The following SLC35F4 variants were observed in gnomAD, a reference collection of about 807,000 sequenced individuals.
SLC35F4 encodes the protein solute carrier family 35 member F4, also known as chromosome 14 open reading frame 36.
In SLC35F4, 24 loss-of-function variants were observed where a neutral mutation model predicts 44.2. That is an observed-to-expected ratio of 0.54 (90% CI 0.39 to 0.76). The LOEUF is 0.76. Ranked by LOEUF, SLC35F4 falls within the 30% of genes least tolerant of loss-of-function variation. The pLI is 0.00. For missense variants in SLC35F4, 562 were observed against 586.1 expected (o/e 0.96, Z 0.42); for synonymous variants, 238 against 223.6 (o/e 1.06, Z -0.57).
intron 1 of SLC35F4, among the ~76,000 whole-genome samples, chr14:57,727,068 G>C (rs1025577999): frequency 6.6e-6 from 1 of 151,804 alleles, no homozygotes; most frequent in South Asian, 2.1e-4. Flanking sequence ...CTTGCAGATG[G>C]CCTATTGTGG....
chr14:57,791,082 T>G (rs898502980), intron 1 of SLC35F4, among the ~76,000 whole-genome samples: 2 of 152,140 alleles, frequency 1.3e-5, no homozygotes, highest in Non-Finnish European at 1.5e-5. Context: ...GGGCAAAGAC[T>G]TCATGACTAA....
At chr14:57,843,462 G>C (rs1363348440) in intron 1 of SLC35F4, among the ~76,000 whole-genome samples, 1 of 152,088 alleles carries the variant, frequency 6.6e-6, no homozygotes, top group Non-Finnish European at 1.5e-5. Flanking sequence ...GCTGAGAAGG[G>C]AGTCTTTCAT....
chr14:57,652,310 G>A (rs1335465779), intron 1 of SLC35F4, among the ~76,000 whole-genome samples: 1 of 152,156 alleles, frequency 6.6e-6, no homozygotes, highest in South Asian at 2.1e-4. Flanking sequence ...CTAGCTTTCT[G>A]AGCTCTTTCT....
At chr14:57,688,002 G>T (rs1177100708) in intron 1 of SLC35F4, among the ~76,000 whole-genome samples, 2 of 152,184 alleles carry the variant, frequency 1.3e-5, no homozygotes, top group Non-Finnish European at 2.9e-5. Flanking sequence ...GAGAGGGATA[G>T]TTCTCAATTC....
intron 1 of SLC35F4, among the ~76,000 whole-genome samples, chr14:57,657,907 G>A (rs993543358): frequency 6.6e-6 from 1 of 152,192 alleles, no homozygotes; most frequent in African/African-American, 2.4e-5. Flanking sequence ...AAGTTGGTAA[G>A]TTACTGTGTC....
chr14:57,923,945 T>A (rs916218423), intron 1 of SLC35F4, among the ~76,000 whole-genome samples: 13 of 152,360 alleles, frequency 8.5e-5, no homozygotes, highest in African/African-American at 2.4e-4. Context: ...AGGAACCCAG[T>A]GGCAGGCGAT....
chr14:57,798,695 G>C (rs1379401480), intron 1 of SLC35F4, among the ~76,000 whole-genome samples: 3 of 152,132 alleles, frequency 2.0e-5, no homozygotes, highest in Admixed American at 6.6e-5. Flanking sequence ...CAACTTTATA[G>C]GAAATGTGCA....
chr14:57,876,880 A>G (rs1888410157), intron 1 of SLC35F4, among the ~76,000 whole-genome samples: 1 of 152,174 alleles, frequency 6.6e-6, no homozygotes, highest in Non-Finnish European at 1.5e-5. Flanking sequence ...GTCTCTGTAA[A>G]TGATTATTCC....
At chr14:57,738,748 C>CATATATATATATATATAT (rs36212594) in intron 1 of SLC35F4, among the ~76,000 whole-genome samples, 1 of 110,306 alleles carries the variant, frequency 9.1e-6, no homozygotes, top group Non-Finnish European at 1.8e-5. Flanking sequence ...TTTGAATTTT[C>CATATATATATATATATAT]ATATATATAT....
intron 1 of SLC35F4, among the ~76,000 whole-genome samples, chr14:57,759,756 G>A (rs2077079715): frequency 6.6e-6 from 1 of 151,968 alleles, no homozygotes; most frequent in African/African-American, 2.4e-5. Context: ...GCATTTCCCT[G>A]GTGATTAGTA....
intron 1 of SLC35F4, among the ~76,000 whole-genome samples, chr14:57,606,166 G>A (rs993884356): frequency 6.6e-6 from 1 of 152,148 alleles, no homozygotes; most frequent in Non-Finnish European, 1.5e-5. Flanking sequence ...AAAACTAAAA[G>A]TGCTTTTTGG....
intron 5 of SLC35F4, 50 bp downstream of exon 5, chr14:57,571,842 CAA>C: frequency 1.3e-6 from 2 of 1,578,208 alleles, no homozygotes; most frequent in Non-Finnish European, 1.7e-6. Context: ...CTTTAGTACT[CAA>C]GTCTAAGTTA....
At chr14:57,618,727 G>A (rs901130697) in intron 1 of SLC35F4, among the ~76,000 whole-genome samples, 1 of 152,202 alleles carries the variant, frequency 6.6e-6, no homozygotes, top group Admixed American at 6.5e-5. Flanking sequence ...TGAAGCCAGG[G>A]AGCAAAGTGG....
chr14:57,633,602 C>A (rs2072888593), intron 1 of SLC35F4, among the ~76,000 whole-genome samples: 1 of 152,108 alleles, frequency 6.6e-6, no homozygotes, highest in Non-Finnish European at 1.5e-5. Context: ...TTTTACCACA[C>A]ACATAGATTT....
At chr14:57,899,926 G>A (rs147829296) in intron 1 of SLC35F4, among the ~76,000 whole-genome samples, 204 of 152,274 alleles carry the variant, frequency 1.3e-3, no homozygotes, top group Non-Finnish European at 2.5e-3. Context: ...CTTCCACAGA[G>A]TGGAAGGGGA....
chr14:57,630,024 TC>T, intron 1 of SLC35F4: 1 of 534,674 alleles, frequency 1.9e-6, no homozygotes, highest in Non-Finnish European at 3.8e-6. Flanking sequence ...ATGTGTATGT[TC>T]CGCTTGATTT....
chr14:57,943,203 C>A (rs899328581), intron 1 of SLC35F4, among the ~76,000 whole-genome samples: 19 of 152,140 alleles, frequency 1.2e-4, no homozygotes, highest in African/African-American at 4.1e-4. Flanking sequence ...CCTGGTGCAG[C>A]CCCCAGTGGT....
At chr14:57,910,432 C>T (rs1477373354) in intron 1 of SLC35F4, among the ~76,000 whole-genome samples, 3 of 151,954 alleles carry the variant, frequency 2.0e-5, no homozygotes, top group Non-Finnish European at 4.4e-5. Flanking sequence ...TATATTTTTG[C>T]ATTTTAGATT....
intron 1 of SLC35F4, among the ~76,000 whole-genome samples, chr14:57,958,338 G>A (rs9989158): frequency 6.6e-6 from 1 of 152,154 alleles, no homozygotes; most frequent in Non-Finnish European, 1.5e-5. Flanking sequence ...GATTACATGC[G>A]TGAGCCACTG....
Sources: allele counts gnomAD v4.1 joint callset (sites outside exome capture counted in the v4.1 genomes callset), GRCh38; gene constraint gnomAD v4.1.1; transcripts MANE v1.5; gene names NCBI Gene and HGNC (gene_info 2026-07-23, HGNC 2026-07-21).